The following LINGO1 variants were observed in gnomAD, a reference collection of about 807,000 sequenced individuals.
The protein encoded by LINGO1 is leucine-rich repeat and immunoglobulin-like domain-containing nogo receptor-interacting protein 1.
Under a neutral mutation model 37.3 loss-of-function variants are expected in LINGO1, and 11 were observed. The observed-to-expected ratio is 0.29, with a 90% CI of 0.19 to 0.49. The LOEUF (loss-of-function observed/expected upper bound fraction) is 0.49. Among genes scored for constraint, LINGO1 ranks in the 20% least tolerant of loss-of-function variants. The pLI is 0.99. For missense variants in LINGO1, 585 were observed against 878.2 expected (o/e 0.67, Z 4.22); for synonymous variants, 387 against 403.0 (o/e 0.96, Z 0.48).
rs866951393 is a variant in LINGO1 at position 77,680,772 on chromosome 15, C to A, written c.-98-3598G>T. ...CCAGCTCCCAGAAAGGCTCTGGGAC[C>A]CCCAACTCATCTGTCCACAACTCAG... On this transcript the variant is annotated intron_variant, in intron 2 of 3. Transcript: ENST00000559893. Among the ~76,000 whole-genome samples, 6 of 152,174 alleles carry A rather than the reference C, an allele frequency of 3.9e-5. 1 individual carries two copies. In the South Asian group the frequency reaches 8.3e-4, roughly 21 times the overall value.
rs770463478 is a variant in LINGO1 at position 77,614,893 on chromosome 15, G to C, written c.1014C>G (p.Arg338=). 6.2e-7 allele frequency: 1 copy of C among 1,613,962 alleles called. No individual in the cohort carries two copies. Among genetic ancestry groups the C allele is most frequent in the Non-Finnish European group, 8.5e-7 (1 of 1,179,874 alleles). The change falls in exon 2 of 2, where the codon CGC becomes CGG. Residue 338 remains arginine (R), a synonymous_variant. Transcript: ENST00000355300. ...GCTGGTTGCCAGAGACATTGAGCAC[G>C]CGCAGGTAGTTGAGGCCGCGGAAGG... ...PYAFRGLNYL[R]VLNVSGNQLT...
At chr15:77,679,227 C>T (rs1342273980) in intron 2 of LINGO1, among the ~76,000 whole-genome samples, 1 of 152,160 alleles carries the variant, frequency 6.6e-6, no homozygotes, top group Non-Finnish European at 1.5e-5. Context: ...TTTGCATTTC[C>T]TTAATTACTA....
At chr15:77,811,508 A>G (rs1221929757) in intron 1 of LINGO1, among the ~76,000 whole-genome samples, 1 of 148,612 alleles carries the variant, frequency 6.7e-6, no homozygotes, top group South Asian at 2.2e-4. Flanking sequence ...GCAAGTTGGG[A>G]GCAGGCACTC....
intron 1 of LINGO1, among the ~76,000 whole-genome samples, chr15:77,778,394 G>A (rs547256228): frequency 2.6e-5 from 4 of 152,292 alleles, no homozygotes; most frequent in South Asian, 2.1e-4. Flanking sequence ...TTGCGGGCCT[G>A]GATATCATTG....
chr15:77,725,701 C>T (rs893501767), intron 2 of LINGO1, among the ~76,000 whole-genome samples: 19 of 152,312 alleles, frequency 1.2e-4, no homozygotes, highest in African/African-American at 3.8e-4. Flanking sequence ...ACACAGAAAG[C>T]GACAGGCAGC....
chr15:77,653,484 T>C (rs189370709), intron 3 of LINGO1, among the ~76,000 whole-genome samples: 51 of 152,346 alleles, frequency 3.3e-4, no homozygotes, highest in Non-Finnish European at 5.3e-4. Context: ...TTGAGTGGAA[T>C]TGAATTAACT....
At chr15:77,776,871 C>G (rs1489176327) in intron 1 of LINGO1, among the ~76,000 whole-genome samples, 2 of 152,166 alleles carry the variant, frequency 1.3e-5, no homozygotes, top group African/African-American at 4.8e-5. Flanking sequence ...TGCTAATACA[C>G]TCATTTTATA....
At chr15:77,621,574 G>GT (rs1217647035) in intron 1 of LINGO1, among the ~76,000 whole-genome samples, 1 of 145,884 alleles carries the variant, frequency 6.9e-6, no homozygotes, top group African/African-American at 2.8e-5. Flanking sequence ...GGCCAGGCCA[G>GT]GGGAGGGGCT....
At chr15:77,634,673 G>C (rs1481637389), upstream of LINGO1, among the ~76,000 whole-genome samples, 1 of 152,166 alleles carries the variant, frequency 6.6e-6, no homozygotes, top group African/African-American at 2.4e-5. Context: ...GGCCAGCACA[G>C]GAGTCCCCCT....
At chr15:77,700,266 C>G (rs1303438951), upstream of LINGO1, among the ~76,000 whole-genome samples, 1 of 152,178 alleles carries the variant, frequency 6.6e-6, no homozygotes, top group African/African-American at 2.4e-5. Flanking sequence ...CCAAGCTCTC[C>G]CCTAATAAGA....
Position 77,632,312 on chromosome 15 carries a change from G to A in LINGO1, c.4C>T (p.Gln2Ter). The A allele has an allele frequency of 6.9e-7, 1 of 1,441,114 alleles. No individual in the cohort carries two copies. The highest frequency in any genetic ancestry group is 9.1e-7 in the Non-Finnish European group (1 of 1,098,128). The allele number at this position is 1,441,114 out of a possible 1,614,324, so 89.3% of individuals were successfully genotyped here. A position where few individuals can be genotyped will look rare whatever the true frequency, so the allele number is the denominator to read the frequency against. The change falls in exon 1 of 2, where the codon CAG (glutamine) becomes TAG (stop). Residue 2 changes from glutamine (Q) to a stop codon, truncating the protein, a stop_gained and splice_region_variant. Coordinates refer to ENST00000355300, the MANE Select transcript of LINGO1 (RefSeq NM_032808.7). LOFTEE classifies it high-confidence loss of function. The surrounding 1 kb of genome is among the most constrained non-coding windows in gnomAD (Gnocchi z 6.0). M[Q>*]VSKRMLAGGV... is the part of the protein sequence containing the mutation. ...TCGGCCGCGGCCGCCTGGCTCACCT[G>A]CATCTCGGGCGCGCCTTCGGTCCGC...
At chr15:77,797,714 AG>A (rs1314548694) in intron 1 of LINGO1, among the ~76,000 whole-genome samples, 4 of 152,218 alleles carry the variant, frequency 2.6e-5, no homozygotes, top group African/African-American at 7.2e-5. Flanking sequence ...CGTCCAGCAC[AG>A]GCCTAGGACC....
intron 1 of LINGO1, among the ~76,000 whole-genome samples, chr15:77,626,959 C>G (rs1038680497): frequency 1.4e-5 from 2 of 141,554 alleles, no homozygotes; most frequent in Non-Finnish European, 3.0e-5. Flanking sequence ...TCCCCGCCCC[C>G]CCAACCCCCC....
chr15:77,818,923 G>C (rs2077071372), intron 1 of LINGO1, among the ~76,000 whole-genome samples: 1 of 151,826 alleles, frequency 6.6e-6, no homozygotes, highest in East Asian at 2.0e-4. Flanking sequence ...CTCTTCTCTG[G>C]AAAGGAAGGC....
At chr15:77,740,899 CCGGCA>C (rs1340587714) in intron 1 of LINGO1, among the ~76,000 whole-genome samples, 1 of 152,202 alleles carries the variant, frequency 6.6e-6, no homozygotes, top group African/African-American at 2.4e-5. Context: ...GCTATGCGGC[CCGGCA>C]ACAGTGGCCA....
intron 2 of LINGO1, among the ~76,000 whole-genome samples, chr15:77,724,875 C>G (rs1351265456): frequency 6.6e-6 from 1 of 152,208 alleles, no homozygotes; most frequent in African/African-American, 2.4e-5. Context: ...AAGCCCACAG[C>G]CAAATCACCC....
At chr15:77,711,229 C>T (rs1435417590) in intron 2 of LINGO1, among the ~76,000 whole-genome samples, 1 of 152,228 alleles carries the variant, frequency 6.6e-6, no homozygotes, top group East Asian at 1.9e-4. Flanking sequence ...TTTCCTTGAA[C>T]AATTGCTTCT....
upstream of LINGO1, among the ~76,000 whole-genome samples, chr15:77,698,434 G>A (rs61070532): frequency 3.9e-5 from 6 of 152,126 alleles, no homozygotes; most frequent in Admixed American, 2.6e-4. Flanking sequence ...ACTCACAGAC[G>A]CTGCCCAAGT....
chr15:77,778,363 T>C lies in LINGO1; in HGVS notation c.-257+8506A>G, dbSNP rs141503287. 2.6e-4 allele frequency among the ~76,000 whole-genome samples: 40 copies of C among 152,300 alleles called. No homozygotes were observed. The East Asian group carries it at 6.7e-3, about 26-fold the overall frequency. On this transcript the variant is annotated intron_variant, in intron 1 of 3. Coordinates refer to the LINGO1 transcript ENST00000561686. ...CTGCAAAGACATTTTCCACGTAAGG[T>C]AGATTTCACAGGTTCCAGGGTTGCG...
Sources: gnomAD v4.1 joint callset for allele counts (sites outside exome capture counted in the v4.1 genomes callset) on GRCh38, gnomAD v4.1.1 for gene constraint, Gnocchi (gnomAD v3.1) non-coding constraint, MANE v1.5 for transcripts, NCBI Gene and HGNC (gene_info 2026-07-23, HGNC 2026-07-21) for gene names.